TENM2: variants seen among roughly 807,000 people sequenced by gnomAD.
TENM2 encodes the protein teneurin transmembrane protein 2.
A neutral mutation model predicts 245.2 loss-of-function variants in TENM2; 52 were observed. The ratio of observed to expected loss-of-function variants is 0.21; its 90% CI spans 0.17 to 0.27. The LOEUF is 0.27. Among genes scored for constraint, TENM2 ranks in the 10% least tolerant of loss-of-function variants. The pLI is 1.00. For missense variants in TENM2, 3,046 were observed against 3,666.8 expected, an observed-to-expected ratio of 0.83 and a Z score of 4.37; for synonymous variants, 1,363 against 1,438.9, an observed-to-expected ratio of 0.95 and a Z score of 1.19.
At chr5:168,127,359 A>T (rs1056733258) in intron 12 of TENM2, among the ~76,000 whole-genome samples, 1 of 152,134 alleles carries the variant, frequency 6.6e-6, no homozygotes, top group African/African-American at 2.4e-5. Context: ...CAACAAGGTG[A>T]ACTCACTAAT....
chr5:167,726,698 A>ATCC (rs1475157701), intron 2 of TENM2, among the ~76,000 whole-genome samples: 2 of 152,100 alleles, frequency 1.3e-5, no homozygotes, highest in Admixed American at 1.3e-4. Context: ...GCCTCAAAGG[A>ATCC]TCCTCTTGCT....
chr5:167,233,535 A>T, the TENM2 span, among the ~76,000 whole-genome samples: 3 of 152,210 alleles, frequency 2.0e-5, no homozygotes, highest in African/African-American at 7.2e-5. Context: ...TGTTTAGCAG[A>T]GAGTTTATTG....
At chr5:167,090,887 G>GC in the TENM2 span, among the ~76,000 whole-genome samples, 95,706 of 152,034 alleles carry the variant, frequency 0.63, 32,502 homozygotes, top group African/African-American at 0.9. Context: ...CTGTTTGCAG[G>GC]CCCTTTATAA....
At chr5:168,023,460 G>C (rs538915275) in intron 5 of TENM2, among the ~76,000 whole-genome samples, 1 of 152,166 alleles carries the variant, frequency 6.6e-6, no homozygotes, top group Non-Finnish European at 1.5e-5. Context: ...CTGACTTGCA[G>C]AGCAGGGCTG....
intron 3 of TENM2, among the ~76,000 whole-genome samples, chr5:167,928,593 TG>T (rs879906969): frequency 6.6e-6 from 1 of 151,892 alleles, no homozygotes; most frequent in Admixed American, 6.6e-5. Context: ...CACCAAAATA[TG>T]TGTTAAAAGA....
the TENM2 span, among the ~76,000 whole-genome samples, chr5:167,073,815 T>C: frequency 2.6e-5 from 4 of 152,206 alleles, no homozygotes; most frequent in African/African-American, 9.6e-5. Flanking sequence ...TGTTAATCTA[T>C]ACAGGCCATA....
intron 2 of TENM2, among the ~76,000 whole-genome samples, chr5:167,477,310 C>T (rs1354584304): frequency 2.7e-5 from 4 of 149,316 alleles, no homozygotes; most frequent in African/African-American, 9.9e-5. Flanking sequence ...CAATTTTCTG[C>T]TATGCCTTTG....
At chr5:167,912,864 T>C (rs886731368) in intron 3 of TENM2, among the ~76,000 whole-genome samples, 28 of 152,166 alleles carry the variant, frequency 1.8e-4, no homozygotes, top group African/African-American at 6.8e-4. Flanking sequence ...TTACTTAATG[T>C]ACACATTTTG....
At chr5:168,051,591 C>T (rs1789092267) in intron 6 of TENM2, among the ~76,000 whole-genome samples, 1 of 152,190 alleles carries the variant, frequency 6.6e-6, no homozygotes, top group African/African-American at 2.4e-5. Context: ...ATCACTTCTT[C>T]CTACTTGACC....
chr5:168,234,150 C>T (rs1346629679), intron 25 of TENM2, among the ~76,000 whole-genome samples: 3 of 151,846 alleles, frequency 2.0e-5, no homozygotes, highest in East Asian at 1.9e-4. Flanking sequence ...CTTCACATTG[C>T]GGGGGTGGGG....
chr5:167,459,141 C>T (rs989474724), intron 2 of TENM2, among the ~76,000 whole-genome samples: 7 of 152,198 alleles, frequency 4.6e-5, no homozygotes, highest in South Asian at 2.1e-4. Flanking sequence ...CGAACAATAA[C>T]TGCCCTATTT....
chr5:167,718,449 C>T (rs1759410947), intron 2 of TENM2, among the ~76,000 whole-genome samples: 1 of 152,166 alleles, frequency 6.6e-6, no homozygotes, highest in Non-Finnish European at 1.5e-5. Context: ...CTCTCTGCCT[C>T]CCTGGAGACA....
intron 2 of TENM2, among the ~76,000 whole-genome samples, chr5:167,420,754 A>C (rs540507224): frequency 6.6e-6 from 1 of 152,240 alleles, no homozygotes; most frequent in East Asian, 1.9e-4. Context: ...TCTCTACTAT[A>C]GAATTTACTC....
intron 2 of TENM2, among the ~76,000 whole-genome samples, chr5:167,733,632 A>G (rs1760590623): frequency 6.6e-6 from 1 of 152,166 alleles, no homozygotes; most frequent in African/African-American, 2.4e-5. Context: ...GTTTTTAATA[A>G]GCTGATGATC....
chr5:168,216,209 C>G (rs1763180051), intron 21 of TENM2, among the ~76,000 whole-genome samples: 1 of 152,124 alleles, frequency 6.6e-6, no homozygotes, highest in African/African-American at 2.4e-5. Context: ...CCTTTCCAGC[C>G]CTGCTGCAAC....
chr5:167,865,987 G>T (rs954835353), intron 2 of TENM2, among the ~76,000 whole-genome samples: 7 of 152,172 alleles, frequency 4.6e-5, no homozygotes, highest in African/African-American at 1.7e-4. Flanking sequence ...TGTACTGGGT[G>T]CTAGGATACA....
chr5:167,000,044 G>A, the TENM2 span, among the ~76,000 whole-genome samples: 3 of 152,126 alleles, frequency 2.0e-5, no homozygotes, highest in Non-Finnish European at 4.4e-5. Flanking sequence ...GAAGCAGGAC[G>A]CTGTGATTGT....
At chr5:167,314,974 C>T (rs1756269769) in intron 1 of TENM2, among the ~76,000 whole-genome samples, 1 of 151,866 alleles carries the variant, frequency 6.6e-6, no homozygotes, top group South Asian at 2.1e-4. Flanking sequence ...TAAATGTTTT[C>T]CTTTTTAATC....
intron 2 of TENM2, among the ~76,000 whole-genome samples, chr5:167,638,999 T>TC (rs1194817646): frequency 6.6e-6 from 1 of 152,204 alleles, no homozygotes. Flanking sequence ...ACTTAGAAAG[T>TC]CCAACAGCTG....
Sources: allele counts gnomAD v4.1 joint callset (sites outside exome capture counted in the v4.1 genomes callset), GRCh38; gene constraint gnomAD v4.1.1; transcripts MANE v1.5; gene names NCBI Gene and HGNC (gene_info 2026-07-23, HGNC 2026-07-21).